The following NTM variants were observed in gnomAD, a reference collection of about 807,000 sequenced individuals.
NTM encodes neurotrimin.
In NTM, 13 loss-of-function variants were observed where a neutral mutation model predicts 42.1. That is an observed-to-expected ratio of 0.31 (90% CI 0.20 to 0.49). The LOEUF is 0.49. Among genes scored for constraint, NTM ranks in the 20% least tolerant of loss-of-function variants. The pLI is 0.99. For synonymous variants in NTM, 187 were observed against 179.2 expected (o/e 1.04, Z -0.35); for missense variants, 373 against 452.8 (o/e 0.82, Z 1.60).
At chr11:132,054,316 A>T (rs1173913543) in intron 2 of NTM, among the ~76,000 whole-genome samples, 1 of 146,110 alleles carries the variant, frequency 6.8e-6, no homozygotes, top group Non-Finnish European at 1.5e-5. Context: ...AGCTGTGTGG[A>T]CTCCACAGGA....
At chr11:131,662,194 T>G (rs2068195455) in intron 1 of NTM, 1 of 152,240 alleles carries the variant, frequency 6.6e-6, no homozygotes, top group South Asian at 2.1e-4. Flanking sequence ...TAAATCTTCT[T>G]TCTCTTGCTT....
intron 1 of NTM, among the ~76,000 whole-genome samples, chr11:131,880,781 G>A (rs1034227241): frequency 1.3e-5 from 2 of 151,818 alleles, no homozygotes; most frequent in African/African-American, 4.9e-5. Flanking sequence ...CACCTGGAAG[G>A]ATAAATTCCA....
At chr11:131,735,864 G>GTGTGTGTGTA (rs1329605788) in intron 1 of NTM, among the ~76,000 whole-genome samples, 1 of 151,774 alleles carries the variant, frequency 6.6e-6, no homozygotes, top group African/African-American at 2.4e-5. Context: ...GTGTGTGTGT[G>GTGTGTGTGTA]TGTGTGTGTG....
At chr11:131,684,084 C>T (rs1322723530) in intron 1 of NTM, among the ~76,000 whole-genome samples, 1 of 152,126 alleles carries the variant, frequency 6.6e-6, no homozygotes, top group East Asian at 1.9e-4. Context: ...CACTTAACCT[C>T]GCCTAACTTC....
intron 1 of NTM, among the ~76,000 whole-genome samples, chr11:131,849,663 G>A (rs190970920): frequency 5.3e-5 from 8 of 152,026 alleles, no homozygotes; most frequent in Non-Finnish European, 1.0e-4. Context: ...AATCTTTTGA[G>A]GACATTGACC....
intron 1 of NTM, among the ~76,000 whole-genome samples, chr11:131,751,768 C>T (rs1044317607): frequency 6.8e-6 from 1 of 147,310 alleles, no homozygotes; most frequent in Non-Finnish European, 1.5e-5. Flanking sequence ...CCCCCTCACC[C>T]CCCCCCAAAA....
chr11:131,982,409 A>G (rs1212940552), intron 2 of NTM, among the ~76,000 whole-genome samples: 2 of 152,176 alleles, frequency 1.3e-5, no homozygotes, highest in Admixed American at 6.5e-5. Context: ...GGAAAGGGAC[A>G]GCGATGGCAG....
rs2091454174 is a variant in NTM at position 131,795,507 on chromosome 11, T to G, written c.83-116057T>G. The G allele has an allele frequency of 7.1e-6, 7 of 985,258 alleles. 1 individual carries two copies. In the South Asian group the frequency reaches 3.3e-4, roughly 46 times the overall value. The allele number at this position is 985,258 out of a possible 1,614,324, so 61.0% of individuals were successfully genotyped here. On this transcript the variant is annotated intron_variant, in intron 1 of 8. Transcript: ENST00000683400. ...CCTCCAAGCTGCCCTTTATTGCTCT[T>G]GTTTATTCGTCTGTCTCATAGCCAG...
intron 3 of NTM, among the ~76,000 whole-genome samples, chr11:132,209,909 A>G (rs1304658373): frequency 1.3e-5 from 2 of 152,222 alleles, no homozygotes; most frequent in African/African-American, 2.4e-5. Flanking sequence ...CAGGACATAC[A>G]TGGAAGGTAA....
chr11:131,924,961 A>G (rs1001075097), intron 2 of NTM, among the ~76,000 whole-genome samples: 5 of 152,220 alleles, frequency 3.3e-5, no homozygotes, highest in Middle Eastern at 3.2e-3. Context: ...TGATTTTTGC[A>G]TGTGTCTGAA....
intron 1 of NTM, among the ~76,000 whole-genome samples, chr11:131,442,099 T>C (rs1949670281): frequency 6.6e-6 from 1 of 152,214 alleles, no homozygotes; most frequent in Non-Finnish European, 1.5e-5. Flanking sequence ...CGGAGATGAT[T>C]TCCTCATTCA....
chr11:131,851,532 C>CGAGT (rs147213224), intron 1 of NTM, among the ~76,000 whole-genome samples: 1 of 146,702 alleles, frequency 6.8e-6, no homozygotes, highest in Non-Finnish European at 1.5e-5. Context: ...GTGAGAATGG[C>CGAGT]GTGTGTGTGT....
intron 2 of NTM, among the ~76,000 whole-genome samples, chr11:131,931,447 A>T (rs693537): frequency 0.74 from 111,296 of 150,344 alleles, 41,586 homozygotes; most frequent in East Asian, 0.96. Context: ...TCAAAAAAAA[A>T]AATAATAATA....
chr11:132,071,509 C>T (rs898977857), intron 2 of NTM, among the ~76,000 whole-genome samples: 3 of 152,344 alleles, frequency 2.0e-5, no homozygotes, highest in Non-Finnish European at 4.4e-5. Flanking sequence ...TGTTCCCTTC[C>T]TATCAGTGAG....
At chr11:132,314,786 G>A (rs2095379718) in intron 7 of NTM, 83 bp downstream of exon 7, 5 of 1,478,648 alleles carry the variant, frequency 3.4e-6, no homozygotes, top group Admixed American at 2.4e-5. Context: ...CTCAAGGCCA[G>A]GGTCAGAGGT....
intron 1 of NTM, among the ~76,000 whole-genome samples, chr11:131,686,277 T>G (rs1300363651): frequency 6.6e-6 from 1 of 152,228 alleles, no homozygotes; most frequent in East Asian, 1.9e-4. Context: ...CTCAAAAATT[T>G]AAGTCCTAAT....
chr11:132,206,430 A>T (rs2082002925), intron 3 of NTM, among the ~76,000 whole-genome samples: 1 of 152,224 alleles, frequency 6.6e-6, no homozygotes, highest in Non-Finnish European at 1.5e-5. Flanking sequence ...CACATACAAT[A>T]TTAAAACTCA....
chr11:131,514,212 A>T (rs1219971891), intron 1 of NTM, among the ~76,000 whole-genome samples: 1 of 152,164 alleles, frequency 6.6e-6, no homozygotes, highest in Non-Finnish European at 1.5e-5. Context: ...ATCCGCCCTG[A>T]TATGTCCAGT....
chr11:131,838,200 G>GACGGC (rs1264970333), intron 1 of NTM, among the ~76,000 whole-genome samples: 1 of 152,168 alleles, frequency 6.6e-6, no homozygotes, highest in Non-Finnish European at 1.5e-5. Flanking sequence ...GCGGGGTGTA[G>GACGGC]ACGGCACAGG....
Sources: allele counts gnomAD v4.1 joint callset (sites outside exome capture counted in the v4.1 genomes callset), GRCh38; gene constraint gnomAD v4.1.1; transcripts MANE v1.5; gene names NCBI Gene and HGNC (gene_info 2026-07-23, HGNC 2026-07-21).